The following USP32 variants were observed in gnomAD, a reference collection of about 807,000 sequenced individuals.
The protein encoded by USP32 is ubiquitin carboxyl-terminal hydrolase 32.
USP32 carries 59 observed loss-of-function variants against 204.8 expected under a neutral mutation model. That is an observed-to-expected ratio of 0.29 (90% CI 0.23 to 0.36). The LOEUF (loss-of-function observed/expected upper bound fraction) is 0.36. USP32 is among the 10% of genes least tolerant of loss of function. The pLI is 1.00. For synonymous variants in USP32, 517 were observed against 678.4 expected, an observed-to-expected ratio of 0.76 and a Z score of 3.70; for missense variants, 1,160 against 1,946.4, an observed-to-expected ratio of 0.60 and a Z score of 7.60.
intron 2 of USP32, among the ~76,000 whole-genome samples, chr17:60,304,526 C>T (rs1170992073): frequency 2.6e-5 from 4 of 152,014 alleles, no homozygotes; most frequent in African/African-American, 7.2e-5. Context: ...AATATAAAAG[C>T]ATTTTTCTTA....
chr17:60,386,505 T>A (rs2146128827), intron 1 of USP32, among the ~76,000 whole-genome samples: 1 of 152,314 alleles, frequency 6.6e-6, no homozygotes, highest in South Asian at 2.1e-4. Context: ...CTTCTCTAAC[T>A]TTTCCAATGA....
upstream of USP32, chr17:60,392,269 A>C: frequency 6.3e-6 from 2 of 315,822 alleles, no homozygotes; most frequent in African/African-American, 2.3e-5. Flanking sequence ...GGGTCACGGG[A>C]CCCGAGGCCA....
chr17:60,402,720 T>G (rs2089945639), intron 1 of USP32, among the ~76,000 whole-genome samples: 2 of 152,200 alleles, frequency 1.3e-5, no homozygotes, highest in South Asian at 4.1e-4. Context: ...ATGACAACAT[T>G]TATTTTGCTT....
At chr17:60,335,187 TG>T (rs1371699730) in intron 2 of USP32, among the ~76,000 whole-genome samples, 1 of 141,850 alleles carries the variant, frequency 7.0e-6, no homozygotes, top group East Asian at 1.9e-4. Context: ...TTGTCAGGGC[TG>T]GTCTTAAACT....
chr17:60,265,328 T>A (rs2086561512), intron 9 of USP32, 84 bp downstream of exon 9: 1 of 920,210 alleles, frequency 1.1e-6, no homozygotes, highest in Admixed American at 2.3e-5. Context: ...GCCAAAGAGA[T>A]TCAAGCATGT....
At chr17:60,286,933 AG>A (rs545761535) in intron 5 of USP32, among the ~76,000 whole-genome samples, 231 of 152,244 alleles carry the variant, frequency 1.5e-3, no homozygotes, top group African/African-American at 5.4e-3. Context: ...GGATCACTTG[AG>A]GTCAGGAGTT....
chr17:60,348,046 C>T (rs760296239), intron 1 of USP32, among the ~76,000 whole-genome samples: 1 of 151,344 alleles, frequency 6.6e-6, no homozygotes, highest in Non-Finnish European at 1.5e-5. Context: ...GGCGTGAACT[C>T]GGGAGGCGGA....
chr17:60,290,691 A>G (rs2087248613), intron 4 of USP32, among the ~76,000 whole-genome samples: 1 of 152,104 alleles, frequency 6.6e-6, no homozygotes, highest in East Asian at 1.9e-4. Context: ...TCTGCATGCT[A>G]ATGAATGGAC....
chr17:60,294,059 C>G (rs958020665), intron 4 of USP32, among the ~76,000 whole-genome samples: 5 of 151,960 alleles, frequency 3.3e-5, no homozygotes, highest in African/African-American at 1.2e-4. Context: ...TTTTTGAAAA[C>G]AGAAAAAATG....
chr17:60,320,050 A>C (rs1221717350), intron 2 of USP32, among the ~76,000 whole-genome samples: 2 of 152,188 alleles, frequency 1.3e-5, no homozygotes, highest in Non-Finnish European at 2.9e-5. Flanking sequence ...TCTCTCACAC[A>C]ATATATTTTC....
intron 11 of USP32, among the ~76,000 whole-genome samples, chr17:60,244,633 TTTTAC>T (rs1457246579): frequency 6.6e-6 from 1 of 152,224 alleles, no homozygotes; most frequent in African/African-American, 2.4e-5. Flanking sequence ...TTATTGTTTA[TTTTAC>T]TTTATGTTTT....
At chr17:60,288,491 C>A in intron 5 of USP32, 32 bp downstream of exon 5, 1 of 1,556,914 alleles carries the variant, frequency 6.4e-7, no homozygotes, top group Non-Finnish European at 8.6e-7. Context: ...TAAAAAAAGG[C>A]AAACAGAAAA....
chr17:60,318,643 A>G (rs548726516), intron 2 of USP32, among the ~76,000 whole-genome samples: 1 of 152,288 alleles, frequency 6.6e-6, no homozygotes, highest in East Asian at 1.9e-4. Flanking sequence ...CCCAGAAAAC[A>G]AGGCTGGGAC....
intron 2 of USP32, among the ~76,000 whole-genome samples, chr17:60,308,860 C>G (rs768624890): frequency 2.6e-5 from 4 of 152,152 alleles, no homozygotes; most frequent in African/African-American, 4.8e-5. Context: ...ACCCAGGAGG[C>G]GGAGGTTGCA....
chr17:60,403,384 G>A (rs1038521012), intron 1 of USP32, among the ~76,000 whole-genome samples: 2 of 152,178 alleles, frequency 1.3e-5, no homozygotes, highest in African/African-American at 4.8e-5. Context: ...AGTCATTGAA[G>A]TAGCCACAAA....
chr17:60,210,374 C>T lies in USP32; in HGVS notation c.2424+639G>A, dbSNP rs182047468. 8.6e-5 allele frequency among the ~76,000 whole-genome samples: 13 copies of T among 151,684 alleles called. No individual in the cohort carries two copies. In the East Asian group the frequency reaches 2.3e-3, roughly 27 times the overall value. On this transcript the variant is annotated intron_variant, in intron 21 of 33. Coordinates refer to ENST00000300896, the MANE Select transcript of USP32 (RefSeq NM_032582.4). ...TTGCCCAGGCTGGAGTACAGTGGTGCGATCTTGGCTCATTGCAAACACCAC... is the reference window on the plus strand; with the variant it reads ...TTGCCCAGGCTGGAGTACAGTGGTGTGATCTTGGCTCATTGCAAACACCAC...
intron 2 of USP32, 87 bp from the exon 3 acceptor site, chr17:60,301,791 T>C: frequency 3.5e-6 from 3 of 857,492 alleles, no homozygotes; most frequent in Non-Finnish European, 5.6e-6. Context: ...AAATTTTATC[T>C]CCACCTCCAC....
chr17:60,188,754 A>G (rs2084307639), intron 29 of USP32, among the ~76,000 whole-genome samples: 2 of 152,266 alleles, frequency 1.3e-5, no homozygotes, highest in African/African-American at 4.8e-5. Flanking sequence ...TCACTGGAAT[A>G]AAAAATATAA....
intron 9 of USP32, among the ~76,000 whole-genome samples, chr17:60,258,761 T>C (rs967390737): frequency 9.2e-5 from 14 of 152,180 alleles, no homozygotes; most frequent in Admixed American, 7.9e-4. Flanking sequence ...CTCTGGAAGG[T>C]TTTGATTGAA....
Sources: gnomAD v4.1 joint callset for allele counts (sites outside exome capture counted in the v4.1 genomes callset) on GRCh38, gnomAD v4.1.1 for gene constraint, MANE v1.5 for transcripts, NCBI Gene and HGNC (gene_info 2026-07-23, HGNC 2026-07-21) for gene names.